Variants in PPM1L observed in about 807,000 individuals in gnomAD.
PPM1L encodes the protein protein phosphatase, Mg2+/Mn2+ dependent 1L, also known as protein phosphatase 1L.
In PPM1L, 13 loss-of-function variants were observed where a neutral mutation model predicts 31.4. The observed-to-expected ratio is 0.41, with a 90% CI of 0.27 to 0.66. The LOEUF (loss-of-function observed/expected upper bound fraction) is 0.66. Among genes scored for constraint, PPM1L ranks in the 30% least tolerant of loss-of-function variants. PPM1L has a pLI of 0.29. For missense variants in PPM1L, 326 were observed against 453.7 expected (o/e 0.72, Z 2.56); for synonymous variants, 184 against 175.4 (o/e 1.05, Z -0.39).
chr3:160,972,783 C>G (rs958753441), intron 2 of PPM1L, among the ~76,000 whole-genome samples: 3 of 152,050 alleles, frequency 2.0e-5, no homozygotes, highest in African/African-American at 7.2e-5. Flanking sequence ...ACACTGACTT[C>G]CACAATGGTT....
chr3:160,805,842 T>C (rs923499457), intron 1 of PPM1L, among the ~76,000 whole-genome samples: 19 of 152,368 alleles, frequency 1.2e-4, no homozygotes, highest in African/African-American at 4.6e-4. Flanking sequence ...GAATCTGGCC[T>C]GCAGACTTAT....
At chr3:160,814,654 TAC>T (rs1459916233) in intron 1 of PPM1L, among the ~76,000 whole-genome samples, 3 of 149,472 alleles carry the variant, frequency 2.0e-5, no homozygotes, top group African/African-American at 4.9e-5. Flanking sequence ...TATGTATATA[TAC>T]ACACACGGTA....
chr3:161,055,245 G>A (rs967122649), intron 2 of PPM1L, among the ~76,000 whole-genome samples: 5 of 152,108 alleles, frequency 3.3e-5, no homozygotes, highest in East Asian at 1.9e-4. Flanking sequence ...AGAAAGACTC[G>A]TAAAAACCTC....
rs544668685 is a variant in PPM1L, at chr3:160,961,919, G to T, written c.574+9G>T. 62 of 1,534,124 alleles carry T rather than the reference G, an allele frequency of 4.0e-5. No individual in the cohort carries two copies. In the South Asian group the frequency reaches 7.6e-4, roughly 19 times the overall value. On this transcript the variant is annotated intron_variant, in intron 2 of 3. Coordinates refer to ENST00000498165, the MANE Select transcript of PPM1L (RefSeq NM_139245.4). The stretch of plus-strand genomic sequence containing the variant: ...ATCCTATGATGAAGCAGGTATGTTT[G>T]TTTTTAAAACACACATTTTTTTTCC...
intron 2 of PPM1L, among the ~76,000 whole-genome samples, chr3:161,036,960 T>C (rs1029802791): frequency 5.9e-5 from 9 of 152,224 alleles, no homozygotes; most frequent in African/African-American, 1.9e-4. Flanking sequence ...AAAAAAGGTC[T>C]GTATTCAAAG....
At chr3:160,831,758 A>G (rs1443135486) in intron 1 of PPM1L, among the ~76,000 whole-genome samples, 5 of 152,196 alleles carry the variant, frequency 3.3e-5, no homozygotes, top group East Asian at 1.9e-4. Context: ...AGTTTCAACC[A>G]TGTCCTATTT....
At chr3:160,999,797 G>A (rs1252682139) in intron 2 of PPM1L, among the ~76,000 whole-genome samples, 1 of 152,130 alleles carries the variant, frequency 6.6e-6, no homozygotes, top group African/African-American at 2.4e-5. Context: ...ACTTCACTAG[G>A]AACAAAGCAA....
intron 1 of PPM1L, among the ~76,000 whole-genome samples, chr3:160,861,552 A>T (rs903373387): frequency 1.3e-5 from 2 of 152,168 alleles, no homozygotes; most frequent in Non-Finnish European, 2.9e-5. Flanking sequence ...GCTCTCTGAG[A>T]TGCCTTTGAG....
At chr3:161,050,404 C>T (rs1397053812) in intron 2 of PPM1L, among the ~76,000 whole-genome samples, 1 of 152,016 alleles carries the variant, frequency 6.6e-6, no homozygotes, top group African/African-American at 2.4e-5. Context: ...GAAGTAATTT[C>T]TATAAATGAG....
At chr3:160,765,379 C>T (rs751028480) in intron 1 of PPM1L, among the ~76,000 whole-genome samples, 3 of 152,158 alleles carry the variant, frequency 2.0e-5, no homozygotes, top group African/African-American at 4.8e-5. Context: ...CTAGTCTTCT[C>T]GATTTGCTTA....
chr3:160,808,543 T>G (rs539117271), intron 1 of PPM1L, among the ~76,000 whole-genome samples: 7 of 152,176 alleles, frequency 4.6e-5, no homozygotes, highest in Admixed American at 2.6e-4. Context: ...CCAACCCTGC[T>G]CTTTGACCCC....
chr3:160,782,013 G>A (rs1711760480), intron 1 of PPM1L, among the ~76,000 whole-genome samples: 1 of 152,110 alleles, frequency 6.6e-6, no homozygotes, highest in African/African-American at 2.4e-5. Context: ...TAATTTACAT[G>A]CCATAAAATT....
At position 161,072,088 on chromosome 3, in the gene PPM1L, C is replaced by G. The variant is rs181920684; in HGVS notation, c.*2931C>G. Reference sequence around the variant, plus strand: ...ATTAATGCAGTGCTCTGCTGCTGCTCCACTGGCAATTTGTACTCTTAACAT... The same window carrying G: ...ATTAATGCAGTGCTCTGCTGCTGCTGCACTGGCAATTTGTACTCTTAACAT... On this transcript the variant is annotated 3_prime_UTR_variant, in exon 4 of 4. Coordinates refer to ENST00000498165, the MANE Select transcript of PPM1L (RefSeq NM_139245.4). 13 of 152,180 alleles carry G rather than the reference C, an allele frequency of 8.5e-5. No individual in the cohort carries two copies. The highest frequency in any genetic ancestry group is 1.6e-4 in the Non-Finnish European group (11 of 68,048). The allele number at this position is 152,180 out of a possible 1,614,324, so 9.4% of individuals were successfully genotyped here.
At chr3:160,996,121 T>G (rs1717313972) in intron 2 of PPM1L, among the ~76,000 whole-genome samples, 2 of 152,056 alleles carry the variant, frequency 1.3e-5, no homozygotes, top group Non-Finnish European at 2.9e-5. Context: ...ATGGCCATAA[T>G]CAAAAACTCA....
At chr3:160,906,697 G>T (rs142289163) in intron 1 of PPM1L, among the ~76,000 whole-genome samples, 1 of 152,206 alleles carries the variant, frequency 6.6e-6, no homozygotes, top group Non-Finnish European at 1.5e-5. Context: ...AGTCAGGATG[G>T]TGGCTATGGC....
At chr3:160,872,845 T>G (rs902920663) in intron 1 of PPM1L, among the ~76,000 whole-genome samples, 1 of 152,074 alleles carries the variant, frequency 6.6e-6, no homozygotes, top group South Asian at 2.1e-4. Context: ...GAGAATCGCT[T>G]GAACCCCGGA....
At chr3:160,786,128 TC>T (rs1711912434) in intron 1 of PPM1L, among the ~76,000 whole-genome samples, 3 of 94,268 alleles carry the variant, frequency 3.2e-5, no homozygotes, top group African/African-American at 1.6e-4. Flanking sequence ...ATCTCATTTT[TC>T]TCTCTCTCTC....
chr3:161,017,472 C>T (rs1346624974), intron 2 of PPM1L, among the ~76,000 whole-genome samples: 1 of 152,102 alleles, frequency 6.6e-6, no homozygotes, highest in Non-Finnish European at 1.5e-5. Flanking sequence ...GTTTCGAGTA[C>T]CTAGCTGAAT....
At chr3:161,046,131 A>AAAAAAAAAAAAAC (rs1719058084) in intron 2 of PPM1L, among the ~76,000 whole-genome samples, 1 of 150,590 alleles carries the variant, frequency 6.6e-6, no homozygotes, top group African/African-American at 2.4e-5. Context: ...AAAAAAAAAA[A>AAAAAAAAAAAAAC]AAATCAATGA....
Sources: allele counts gnomAD v4.1 joint callset (sites outside exome capture counted in the v4.1 genomes callset), GRCh38; gene constraint gnomAD v4.1.1; transcripts MANE v1.5; gene names NCBI Gene and HGNC (gene_info 2026-07-23, HGNC 2026-07-21).